The following RIMS1 variants were observed in gnomAD, a reference collection of about 807,000 sequenced individuals.
RIMS1 encodes the protein regulating synaptic membrane exocytosis protein 1.
In RIMS1, 83 loss-of-function variants were observed where a neutral mutation model predicts 214.1. That is an observed-to-expected ratio of 0.39 (90% CI 0.32 to 0.47). RIMS1 has a LOEUF of 0.47. RIMS1 is among the 20% of genes least tolerant of loss of function. The pLI is 0.99. For synonymous variants in RIMS1, 793 were observed against 786.8 expected (o/e 1.01, Z -0.13); for missense variants, 2,050 against 2,161.8 (o/e 0.95, Z 1.03).
At chr6:72,006,364 C>A (rs949888630) in intron 2 of RIMS1, among the ~76,000 whole-genome samples, 8 of 152,068 alleles carry the variant, frequency 5.3e-5, no homozygotes, top group African/African-American at 1.9e-4. Flanking sequence ...CCAAGATGGC[C>A]AAATAGGAAC....
chr6:72,122,055 C>A (rs528810878), intron 4 of RIMS1, among the ~76,000 whole-genome samples: 2 of 151,818 alleles, frequency 1.3e-5, no homozygotes, highest in African/African-American at 4.8e-5. Flanking sequence ...TTTGGTTTGC[C>A]AGTATTTTAT....
chr6:71,887,092 C>T lies in RIMS1; in HGVS notation c.69C>T (p.Pro23=), dbSNP rs998453434. Residue 23 remains proline (P), a synonymous_variant, in exon 1 of 34, where the codon CCC becomes CCT. Transcript: ENST00000521978. ...TGCCTCCCCCCATGCAAGAGCTGCC[C>T]GACCTGAGCCACCTGACCGAAGAGG... is the stretch of plus-strand genomic sequence containing the variant. ...PTVPPPMQEL[P]DLSHLTEEER... The T allele has an allele frequency of 4.3e-6, 7 of 1,613,654 alleles. No individual in the cohort carries two copies. Among genetic ancestry groups the T allele is most frequent in the African/African-American group, 1.3e-5 (1 of 75,058 alleles).
At chr6:72,104,640 A>T (rs2034352544) in intron 4 of RIMS1, among the ~76,000 whole-genome samples, 1 of 152,176 alleles carries the variant, frequency 6.6e-6, no homozygotes, top group Admixed American at 6.6e-5. Context: ...TAGAATTTGC[A>T]TCTTGCTGAG....
At chr6:72,220,612 C>G (rs917120838) in intron 6 of RIMS1, among the ~76,000 whole-genome samples, 5 of 151,972 alleles carry the variant, frequency 3.3e-5, no homozygotes, top group Non-Finnish European at 7.4e-5. Context: ...AATAAAAAAC[C>G]TTAGTTACTA....
chr6:72,167,261 G>A (rs2046392948), intron 4 of RIMS1, among the ~76,000 whole-genome samples: 1 of 151,758 alleles, frequency 6.6e-6, no homozygotes, highest in African/African-American at 2.4e-5. Flanking sequence ...CCATTGCTAG[G>A]ATAAATTTCA....
At position 72,251,399 on chromosome 6, in the gene RIMS1, G is replaced by A; in HGVS notation, c.2698+31G>A. The stretch of plus-strand genomic sequence containing the variant: ...TTAAGGTCCTTTTAGTTGCCACAAA[G>A]TAATTATGCTGTAATGATCTAATTA... On this transcript the variant is annotated intron_variant, in intron 15 of 33. Coordinates refer to ENST00000521978, the MANE Select transcript of RIMS1 (RefSeq NM_014989.7). The A allele has an allele frequency of 2.0e-6, 3 of 1,494,312 alleles. No homozygotes were observed. In the South Asian group the frequency reaches 3.9e-5, roughly 20 times the overall value. 92.6% of individuals were successfully genotyped at this position (1,494,312 alleles called of 1,614,324 possible). A position where few individuals can be genotyped will look rare whatever the true frequency, so the allele number is the denominator to read the frequency against.
At chr6:71,942,809 A>G (rs968821825) in intron 1 of RIMS1, among the ~76,000 whole-genome samples, 1 of 152,062 alleles carries the variant, frequency 6.6e-6, no homozygotes, top group African/African-American at 2.4e-5. Flanking sequence ...CTCTGAATAT[A>G]TGTGTTTATC....
chr6:72,266,813 T>C (rs1202242946), intron 22 of RIMS1, among the ~76,000 whole-genome samples: 1 of 152,122 alleles, frequency 6.6e-6, no homozygotes, highest in Non-Finnish European at 1.5e-5. Flanking sequence ...GATAGTCTTG[T>C]TTATAATGGC....
At chr6:72,011,010 T>C (rs1810338137) in intron 2 of RIMS1, among the ~76,000 whole-genome samples, 2 of 152,070 alleles carry the variant, frequency 1.3e-5, no homozygotes, top group South Asian at 4.1e-4. Context: ...AAAAAGAGCC[T>C]GCATTGCCAA....
At chr6:72,368,621 C>G (rs1190152954) in intron 29 of RIMS1, among the ~76,000 whole-genome samples, 2 of 152,004 alleles carry the variant, frequency 1.3e-5, no homozygotes, top group African/African-American at 2.4e-5. Context: ...ATTCAGTCAC[C>G]AGCTCACTCA....
chr6:71,925,349 G>T (rs554453853), intron 1 of RIMS1, among the ~76,000 whole-genome samples: 27 of 152,298 alleles, frequency 1.8e-4, no homozygotes, highest in African/African-American at 6.5e-4. Flanking sequence ...TAAAATGATG[G>T]AGTTGATGAG....
At chr6:72,222,499 C>T (rs1030129147) in intron 6 of RIMS1, among the ~76,000 whole-genome samples, 3 of 152,036 alleles carry the variant, frequency 2.0e-5, no homozygotes, top group Non-Finnish European at 4.4e-5. Flanking sequence ...CATGATTAAT[C>T]TGAAGCAATA....
At chr6:72,013,130 T>C (rs1811434086) in intron 2 of RIMS1, among the ~76,000 whole-genome samples, 1 of 152,208 alleles carries the variant, frequency 6.6e-6, no homozygotes, top group Non-Finnish European at 1.5e-5. Context: ...TATAAACCTA[T>C]TCACATATTT....
At chr6:72,302,780 T>A (rs2094758937) in intron 26 of RIMS1, among the ~76,000 whole-genome samples, 1 of 151,624 alleles carries the variant, frequency 6.6e-6, no homozygotes, top group African/African-American at 2.4e-5. Flanking sequence ...TCAACTTTGA[T>A]ACATATATGA....
At chr6:72,389,651 T>C (rs1342211719) in intron 29 of RIMS1, among the ~76,000 whole-genome samples, 3 of 152,236 alleles carry the variant, frequency 2.0e-5, no homozygotes, top group African/African-American at 7.2e-5. Context: ...GCATTTTTCA[T>C]ATATTATTAA....
intron 2 of RIMS1, among the ~76,000 whole-genome samples, chr6:72,076,048 G>A (rs1294142803): frequency 6.6e-6 from 1 of 152,066 alleles, no homozygotes; most frequent in African/African-American, 2.4e-5. Flanking sequence ...TAACTGGCAA[G>A]CTTTAAGACT....
chr6:72,269,690 C>T (rs1418662161), intron 22 of RIMS1, among the ~76,000 whole-genome samples: 1 of 152,136 alleles, frequency 6.6e-6, no homozygotes, highest in Non-Finnish European at 1.5e-5. Flanking sequence ...CAATCAATTC[C>T]TTCGGAACAG....
At chr6:71,927,775 A>T (rs72653124) in intron 1 of RIMS1, among the ~76,000 whole-genome samples, 1 of 152,014 alleles carries the variant, frequency 6.6e-6, no homozygotes, top group Admixed American at 6.6e-5. Flanking sequence ...GTATCCTAAA[A>T]CCACATATGT....
chr6:72,250,981 A>G lies in RIMS1; in HGVS notation c.2433A>G (p.Gln811=), dbSNP rs1369964596. ...VKKILEPKWN[Q]TFVYSHVHRR... is the part of the protein sequence containing the mutation. ...AAATACTAGAACCAAAATGGAATCAAACTTTTGTCTATTCACATGTACATC... is the reference window on the plus strand; with the variant it reads ...AAATACTAGAACCAAAATGGAATCAGACTTTTGTCTATTCACATGTACATC... Residue 811 remains glutamine, a synonymous_variant, in exon 14 of 34, where the codon CAA becomes CAG. Coordinates refer to ENST00000521978, the MANE Select transcript of RIMS1 (RefSeq NM_014989.7). The G allele has an allele frequency of 2.6e-6, 4 of 1,552,486 alleles. No homozygotes were observed. The African/African-American group carries it at 5.5e-5, about 21-fold the overall frequency.
Sources: gnomAD v4.1 joint callset for allele counts (sites outside exome capture counted in the v4.1 genomes callset) on GRCh38, gnomAD v4.1.1 for gene constraint, MANE v1.5 for transcripts, NCBI Gene and HGNC (gene_info 2026-07-23, HGNC 2026-07-21) for gene names.